SNX1: variants seen among roughly 807,000 people sequenced by gnomAD.
SNX1 encodes sorting nexin 1.
A neutral mutation model predicts 71.8 loss-of-function variants in SNX1; 36 were observed. The observed-to-expected ratio is 0.50, with a 90% CI of 0.38 to 0.66. SNX1 has a LOEUF of 0.66. Among genes scored for constraint, SNX1 ranks in the 30% least tolerant of loss-of-function variants. The probability of loss-of-function intolerance (pLI) is 0.00; values close to 1 mark genes in which losing one functional copy is unlikely to be tolerated. For missense variants in SNX1, 612 were observed against 646.7 expected, an observed-to-expected ratio of 0.95 and a Z score of 0.58; for synonymous variants, 254 against 240.7, an observed-to-expected ratio of 1.06 and a Z score of -0.51.
rs1491511267 is a variant in SNX1, at chr15:64,129,260, AAG to A, written c.808-654_808-653del. Among the ~76,000 whole-genome samples, 1 of 152,136 alleles carries A rather than the reference AAG, an allele frequency of 6.6e-6. No homozygotes were observed. The highest frequency in any genetic ancestry group is 1.5e-5 in the Non-Finnish European group (1 of 68,020). ...AAGACTCCGTCTCAAAAAAAAAAAA[AAG>A]AACTACTGCCATAGAGTCCTGAACA... On this transcript the variant is annotated intron_variant, in intron 8 of 14. Coordinates refer to ENST00000559844, the MANE Select transcript of SNX1 (RefSeq NM_003099.5). This position sits in a 1 kb window ranked among gnomAD's most constrained non-coding sequence, Gnocchi z 4.4.
At chr15:64,106,332 A>G (rs986075242) in intron 1 of SNX1, among the ~76,000 whole-genome samples, 2 of 152,204 alleles carry the variant, frequency 1.3e-5, no homozygotes, top group Non-Finnish European at 2.9e-5. Flanking sequence ...TCCTTAAGCT[A>G]TGGAGTTAAA....
chr15:64,124,506 C>CA (rs61561795), intron 5 of SNX1, among the ~76,000 whole-genome samples: 6,160 of 63,900 alleles, frequency 0.096, 471 homozygotes, highest in African/African-American at 0.22. Context: ...GACTCTGTCT[C>CA]AAAAAAAAAA....
chr15:64,115,466 T>TC, intron 2 of SNX1: 2 of 324,930 alleles, frequency 6.2e-6, no homozygotes, highest in South Asian at 4.6e-5. Flanking sequence ...TTTCCAGTAC[T>TC]CTTAACAGGA....
chr15:64,128,808 G>A (rs1567329669), intron 8 of SNX1, among the ~76,000 whole-genome samples: 1 of 152,238 alleles, frequency 6.6e-6, no homozygotes, highest in East Asian at 1.9e-4. Context: ...TGTAGGGGTT[G>A]TCCTATGCAT....
At position 64,127,207 on chromosome 15, in the gene SNX1, C is replaced by G. The variant is rs535080872; in HGVS notation, c.686C>G (p.Ser229Cys). ...AAAGTGAAAGTTGGGAAGGAAGATT[C>G]TTCTTCTGCAGAATTTCTTGAAAAA... ...MTKVKVGKED[S>C]SSAEFLEKRR... Residue 229 changes from serine to cysteine, a missense_variant, in exon 7 of 15, where the codon TCT (serine) becomes TGT (cysteine). By Grantham distance (112) the Ser-to-Cys change is moderately radical. Around this residue, in one of 2 missense-constraint regions of SNX1, gnomAD observed 316 missense variants for 284.9 expected, o/e 1.11. Coordinates refer to ENST00000559844, the MANE Select transcript of SNX1 (RefSeq NM_003099.5). 9.3e-6 allele frequency: 15 copies of G among 1,613,424 alleles called. No individual in the cohort carries two copies. In the East Asian group the frequency reaches 3.1e-4, roughly 34 times the overall value.
intron 4 of SNX1, among the ~76,000 whole-genome samples, chr15:64,120,613 A>AC (rs988304411): frequency 6.6e-6 from 1 of 152,078 alleles, no homozygotes; most frequent in Non-Finnish European, 1.5e-5. Context: ...GGAGTTCAGG[A>AC]CCAGCCTGCC....
intron 2 of SNX1, 94 bp from the exon 3 acceptor site, chr15:64,118,023 C>A: frequency 8.3e-7 from 1 of 1,209,280 alleles, no homozygotes; most frequent in Non-Finnish European, 1.2e-6. Flanking sequence ...ATTGAGAGTG[C>A]TTGCTATTGT....
chr15:64,096,557 T>G (rs772455389), intron 1 of SNX1, among the ~76,000 whole-genome samples: 1 of 152,266 alleles, frequency 6.6e-6, no homozygotes, highest in Non-Finnish European at 1.5e-5. Context: ...CCCGTCTTAC[T>G]GCTTCTAAGA....
intron 1 of SNX1, among the ~76,000 whole-genome samples, chr15:64,097,160 C>G (rs1232280839): frequency 1.3e-5 from 2 of 152,174 alleles, no homozygotes; most frequent in Admixed American, 1.3e-4. Context: ...GAATTGGCGT[C>G]CTGTGCAGAT....
At chr15:64,099,185 A>G (rs1388241318) in intron 1 of SNX1, among the ~76,000 whole-genome samples, 2 of 152,220 alleles carry the variant, frequency 1.3e-5, no homozygotes, top group Non-Finnish European at 2.9e-5. Flanking sequence ...TCTAGGCTCT[A>G]TGGCTGGCTA....
At chr15:64,104,591 A>G (rs950438994) in intron 1 of SNX1, among the ~76,000 whole-genome samples, 15 of 151,808 alleles carry the variant, frequency 9.9e-5, no homozygotes, top group African/African-American at 3.6e-4. Context: ...AGACTTTTAA[A>G]GATGGCTAAT....
chr15:64,104,315 C>T (rs1439891645), intron 1 of SNX1, among the ~76,000 whole-genome samples: 2 of 149,432 alleles, frequency 1.3e-5, no homozygotes, highest in Non-Finnish European at 3.0e-5. Flanking sequence ...CTGTGTCGCC[C>T]CAGCTGGAGT....
intron 1 of SNX1, among the ~76,000 whole-genome samples, chr15:64,108,816 C>T (rs2081048969): frequency 2.6e-5 from 4 of 151,508 alleles, no homozygotes; most frequent in Admixed American, 2.0e-4. Flanking sequence ...GATGAAACGC[C>T]GTCTCCACTA....
In SNX1 at chr15:64,129,800, C is replaced by T. The variant is rs1016605988; in HGVS notation, c.808-116C>T. On this transcript the variant is annotated intron_variant, in intron 8 of 14. Coordinates refer to ENST00000559844, the MANE Select transcript of SNX1 (RefSeq NM_003099.5). The surrounding 1 kb of genome is among the most constrained non-coding windows in gnomAD (Gnocchi z 4.4). ...TCAGACTGCCTTTGAAAACAATTTACAGTTCAAATAATTTGTCTGGCAAGT... is the reference window on the plus strand; with the variant it reads ...TCAGACTGCCTTTGAAAACAATTTATAGTTCAAATAATTTGTCTGGCAAGT... 1.4e-6 allele frequency: 1 copy of T among 728,254 alleles called. No individual in the cohort carries two copies. Among genetic ancestry groups the T allele is most frequent in the East Asian group, 2.5e-5 (1 of 39,948 alleles). 45.1% of individuals were successfully genotyped at this position (728,254 alleles called of 1,614,324 possible). A position where few individuals can be genotyped will look rare whatever the true frequency, so the allele number is the denominator to read the frequency against.
chr15:64,137,048 T>C (rs568429199), intron 14 of SNX1, 116 bp downstream of exon 14: 24 of 743,904 alleles, frequency 3.2e-5, no homozygotes, highest in African/African-American at 2.5e-4. Context: ...TGGGCCCTCC[T>C]ATAGTCCATC....
At position 64,134,632 on chromosome 15, in the gene SNX1, G is replaced by A. The variant is rs757619986; in HGVS notation, c.1222-32G>A. On this transcript the variant is annotated intron_variant, in intron 11 of 14. Transcript: ENST00000559844. This position sits in a 1 kb window ranked among gnomAD's most constrained non-coding sequence, Gnocchi z 4.1. ...GAGCCAGCAGAGCTCTTGAAGAGCT[G>A]GTTGTGCTCCTCCTCAACCCCACCC... is the stretch of plus-strand genomic sequence containing the variant. The A allele has an allele frequency of 1.9e-6, 3 of 1,592,682 alleles. No individual in the cohort carries two copies. In the African/African-American group the frequency reaches 4.0e-5, roughly 21 times the overall value.
chr15:64,135,395 C>T (rs62024180), intron 12 of SNX1, among the ~76,000 whole-genome samples: 10,989 of 150,136 alleles, frequency 0.073, 1,267 homozygotes, highest in African/African-American at 0.25. Flanking sequence ...CCACCGCGCC[C>T]GGCCGAGGTC....
At chr15:64,101,272 G>C (rs2080958865) in intron 1 of SNX1, among the ~76,000 whole-genome samples, 1 of 152,144 alleles carries the variant, frequency 6.6e-6, no homozygotes, top group Non-Finnish European at 1.5e-5. Context: ...TTATTAAACA[G>C]CTTCCACAGT....
At chr15:64,104,577 G>A (rs1337136191) in intron 1 of SNX1, among the ~76,000 whole-genome samples, 1 of 151,882 alleles carries the variant, frequency 6.6e-6, no homozygotes, top group East Asian at 2.0e-4. Context: ...CCGGCCCAGG[G>A]AGAAGACTTT....
Sources: gnomAD v4.1 joint callset for allele counts (sites outside exome capture counted in the v4.1 genomes callset) on GRCh38, gnomAD v4.1.1 for gene constraint, gnomAD v4.1.1 regional missense constraint, Gnocchi (gnomAD v3.1) non-coding constraint, MANE v1.5 for transcripts, NCBI Gene and HGNC (gene_info 2026-07-23, HGNC 2026-07-21) for gene names.